ARHGAP24: variants seen among roughly 807,000 people sequenced by gnomAD.
ARHGAP24 encodes rho GTPase-activating protein 24.
Under a neutral mutation model 76.4 loss-of-function variants are expected in ARHGAP24, and 50 were observed. The ratio of observed to expected loss-of-function variants is 0.65; its 90% confidence interval spans 0.52 to 0.83. ARHGAP24 has a LOEUF of 0.83. Ranked by LOEUF, ARHGAP24 falls within the 40% of genes least tolerant of loss-of-function variation. ARHGAP24 has a pLI of 0.00. For missense variants in ARHGAP24, 930 were observed against 914.2 expected, an observed-to-expected ratio of 1.02 and a Z score of -0.22; for synonymous variants, 345 against 323.3, an observed-to-expected ratio of 1.07 and a Z score of -0.72.
At chr4:85,616,135 A>G (rs1720532339) in intron 2 of ARHGAP24, among the ~76,000 whole-genome samples, 1 of 152,206 alleles carries the variant, frequency 6.6e-6, no homozygotes, top group African/African-American at 2.4e-5. Context: ...CCTTTTCCGC[A>G]TCATTGGTTT....
chr4:85,644,421 A>G (rs889421070), intron 2 of ARHGAP24, among the ~76,000 whole-genome samples: 1 of 152,196 alleles, frequency 6.6e-6, no homozygotes, highest in African/African-American at 2.4e-5. Context: ...TTAGAAAACA[A>G]AAGAGTAATA....
intron 3 of ARHGAP24, among the ~76,000 whole-genome samples, chr4:85,768,278 G>A (rs1001285006): frequency 2.0e-5 from 3 of 152,030 alleles, no homozygotes; most frequent in Non-Finnish European, 2.9e-5. Flanking sequence ...ATCTAAAGTC[G>A]TCCACAAGTA....
chr4:85,986,962 A>T (rs1740042619), intron 8 of ARHGAP24, among the ~76,000 whole-genome samples: 1 of 152,118 alleles, frequency 6.6e-6, no homozygotes, highest in East Asian at 1.9e-4. Flanking sequence ...GGGAAGGATG[A>T]ATACCAGGAG....
chr4:85,762,393 C>G (rs1726765588), intron 3 of ARHGAP24, among the ~76,000 whole-genome samples: 1 of 152,140 alleles, frequency 6.6e-6, no homozygotes, highest in African/African-American at 2.4e-5. Flanking sequence ...GCGATTGAAG[C>G]AAGATCCAGG....
At chr4:85,583,543 A>G (rs1307651525) in intron 2 of ARHGAP24, among the ~76,000 whole-genome samples, 1 of 152,130 alleles carries the variant, frequency 6.6e-6, no homozygotes, top group Non-Finnish European at 1.5e-5. Flanking sequence ...CAAGGACTTC[A>G]TGTCTAAAAC....
intron 2 of ARHGAP24, among the ~76,000 whole-genome samples, chr4:85,643,952 A>G (rs946743749): frequency 2.0e-5 from 3 of 152,160 alleles, no homozygotes; most frequent in Non-Finnish European, 4.4e-5. Flanking sequence ...GGTGTCTTAG[A>G]TTGGAAGACA....
intron 1 of ARHGAP24, among the ~76,000 whole-genome samples, chr4:85,560,764 C>T (rs1253494736): frequency 2.6e-5 from 4 of 152,152 alleles, no homozygotes; most frequent in African/African-American, 9.7e-5. Flanking sequence ...TCCAGTGAGA[C>T]AAATGGCAAT....
intron 1 of ARHGAP24, among the ~76,000 whole-genome samples, chr4:85,545,209 C>T (rs1204572003): frequency 6.6e-6 from 1 of 152,060 alleles, no homozygotes; most frequent in Admixed American, 6.5e-5. Context: ...AAGCGATTCT[C>T]CTGCCTCAGC....
intron 3 of ARHGAP24, among the ~76,000 whole-genome samples, chr4:85,822,930 C>T (rs113551761): frequency 4.6e-5 from 7 of 152,080 alleles, no homozygotes; most frequent in African/African-American, 1.7e-4. Flanking sequence ...TTATGTGTAC[C>T]CATGAATATT....
intron 3 of ARHGAP24, among the ~76,000 whole-genome samples, chr4:85,724,491 G>GTATATATA (rs60930279): frequency 3.4e-3 from 36 of 10,680 alleles, no homozygotes; most frequent in Admixed American, 6.5e-3. Context: ...TTCCATGTGT[G>GTATATATA]TATATATATA....
At chr4:85,706,176 A>G (rs1434919174) in intron 2 of ARHGAP24, among the ~76,000 whole-genome samples, 2 of 152,172 alleles carry the variant, frequency 1.3e-5, no homozygotes, top group African/African-American at 4.8e-5. Context: ...ACTTTAAACT[A>G]CTTTATGTGA....
At chr4:85,679,861 A>G (rs969260847) in intron 2 of ARHGAP24, among the ~76,000 whole-genome samples, 3 of 152,186 alleles carry the variant, frequency 2.0e-5, no homozygotes, top group Non-Finnish European at 4.4e-5. Context: ...ATTACAGTTC[A>G]AAATTACATT....
chr4:85,642,724 T>G (rs1459481630), intron 2 of ARHGAP24, among the ~76,000 whole-genome samples: 1 of 152,208 alleles, frequency 6.6e-6, no homozygotes, highest in Non-Finnish European at 1.5e-5. Context: ...CCTAGATTAC[T>G]TCAAAAGTCC....
intron 1 of ARHGAP24, among the ~76,000 whole-genome samples, chr4:85,545,764 T>A (rs1323161184): frequency 6.6e-6 from 1 of 152,194 alleles, no homozygotes; most frequent in Non-Finnish European, 1.5e-5. Context: ...CATGAGGCTA[T>A]GCATATACAA....
chr4:85,606,357 A>G (rs1720193317), intron 2 of ARHGAP24, among the ~76,000 whole-genome samples: 1 of 151,970 alleles, frequency 6.6e-6, no homozygotes, highest in Admixed American at 6.5e-5. Flanking sequence ...ACTAAAATAC[A>G]AAAAAATTGA....
chr4:85,675,931 G>T (rs1042895796), intron 2 of ARHGAP24, among the ~76,000 whole-genome samples: 1 of 152,186 alleles, frequency 6.6e-6, no homozygotes, highest in Non-Finnish European at 1.5e-5. Context: ...CTCAGCAACT[G>T]AAGTGACATC....
At chr4:85,723,667 T>C (rs1401582669) in intron 3 of ARHGAP24, 1 of 152,242 alleles carries the variant, frequency 6.6e-6, no homozygotes, top group African/African-American at 2.4e-5. Flanking sequence ...TAATAGCTGC[T>C]AAATTAGGTT....
intron 2 of ARHGAP24, among the ~76,000 whole-genome samples, chr4:85,614,967 C>G (rs1720501054): frequency 6.6e-6 from 1 of 151,850 alleles, no homozygotes. Context: ...GTTTCATGTG[C>G]CTATATCAAG....
chr4:85,921,760 CCT>C (rs2148810242), intron 3 of ARHGAP24, among the ~76,000 whole-genome samples: 1 of 152,262 alleles, frequency 6.6e-6, no homozygotes, highest in South Asian at 2.1e-4. Flanking sequence ...CTGAGCTCCT[CCT>C]CCTGTCAGAT....
Sources: allele counts gnomAD v4.1 joint callset (sites outside exome capture counted in the v4.1 genomes callset), GRCh38; gene constraint gnomAD v4.1.1; transcripts MANE v1.5; gene names NCBI Gene and HGNC (gene_info 2026-07-23, HGNC 2026-07-21).